Variants in PTPRD observed in about 807,000 individuals in gnomAD.
PTPRD encodes protein tyrosine phosphatase receptor type D.
In PTPRD, 34 loss-of-function variants were observed where a neutral mutation model predicts 214.5. The ratio of observed to expected loss-of-function variants is 0.16; its 90% CI spans 0.12 to 0.21. The LOEUF (loss-of-function observed/expected upper bound fraction) is 0.21. Among genes scored for constraint, PTPRD ranks in the 10% least tolerant of loss-of-function variants. PTPRD has a pLI of 1.00. For synonymous variants in PTPRD, 1,128 were observed against 845.7 expected, an observed-to-expected ratio of 1.33 and a Z score of -5.79; for missense variants, 2,545 against 2,398.7, an observed-to-expected ratio of 1.06 and a Z score of -1.27.
intron 3 of PTPRD, among the ~76,000 whole-genome samples, chr9:10,275,494 C>T (rs960743712): frequency 2.0e-5 from 3 of 152,000 alleles, no homozygotes; most frequent in African/African-American, 7.2e-5. Flanking sequence ...ATCATACTAC[C>T]TACACACATT....
At chr9:10,471,205 T>C (rs2099028935) in intron 2 of PTPRD, among the ~76,000 whole-genome samples, 1 of 152,018 alleles carries the variant, frequency 6.6e-6, no homozygotes, top group African/African-American at 2.4e-5. Flanking sequence ...AGATGATGGG[T>C]TGATGGGGGC....
At chr9:10,489,940 A>G (rs573445856) in intron 2 of PTPRD, among the ~76,000 whole-genome samples, 82 of 152,298 alleles carry the variant, frequency 5.4e-4, no homozygotes, top group African/African-American at 2.0e-3. Context: ...TCTTTCAGCA[A>G]TATAAAGTTA....
intron 36 of PTPRD, among the ~76,000 whole-genome samples, chr9:8,390,947 T>A (rs570311429): frequency 6.6e-6 from 1 of 152,280 alleles, no homozygotes; most frequent in African/African-American, 2.4e-5. Context: ...TCATCTCAAA[T>A]ACAATAAAGC....
intron 44 of PTPRD, among the ~76,000 whole-genome samples, chr9:8,330,976 G>T (rs941313706): frequency 6.6e-6 from 1 of 150,792 alleles, no homozygotes; most frequent in Non-Finnish European, 1.5e-5. Flanking sequence ...CTAAATTTAT[G>T]GTGAATGTCT....
At chr9:8,770,179 G>A (rs557631958) in intron 11 of PTPRD, among the ~76,000 whole-genome samples, 3 of 152,034 alleles carry the variant, frequency 2.0e-5, no homozygotes, top group Admixed American at 6.6e-5. Flanking sequence ...TACTCGGGGG[G>A]CTGAGGCAGA....
chr9:8,658,457 C>T (rs1435920762), intron 12 of PTPRD, among the ~76,000 whole-genome samples: 1 of 152,076 alleles, frequency 6.6e-6, no homozygotes, highest in Non-Finnish European at 1.5e-5. Context: ...TTGAGAGCTT[C>T]AATGAGCAGT....
At chr9:10,485,991 G>A (rs921191479) in intron 2 of PTPRD, among the ~76,000 whole-genome samples, 1 of 151,078 alleles carries the variant, frequency 6.6e-6, no homozygotes, top group Non-Finnish European at 1.5e-5. Flanking sequence ...GTCTTCTTTC[G>A]AGGAGTGTCT....
intron 4 of PTPRD, among the ~76,000 whole-genome samples, chr9:9,977,411 T>G (rs967985533): frequency 6.6e-6 from 1 of 152,222 alleles, no homozygotes; most frequent in Non-Finnish European, 1.5e-5. Flanking sequence ...AGAGCCTAGA[T>G]GCATGCATGA....
rs566007121 is a variant in PTPRD at position 8,451,040 on chromosome 9, A to T, written c.3876-1203T>A. Among the ~76,000 whole-genome samples, 15 of 152,210 alleles carry T rather than the reference A, an allele frequency of 9.9e-5. No homozygotes were observed. The South Asian group carries it at 2.7e-3, about 28-fold the overall frequency. On this transcript the variant is annotated intron_variant, in intron 33 of 45. Coordinates refer to ENST00000381196, the MANE Select transcript of PTPRD (RefSeq NM_002839.4). ...TTGCTGTGGCAATGGGGTCTCATTC[A>T]ATGCCACCCAGGTCGTTCTATGGTT...
intron 3 of PTPRD, among the ~76,000 whole-genome samples, chr9:10,078,632 TCC>T (rs71485316): frequency 0.028 from 4,284 of 151,406 alleles, 131 homozygotes; most frequent in African/African-American, 0.078. Flanking sequence ...ATCTAGTCTC[TCC>T]TTCACTTTTC....
At chr9:9,600,023 C>A (rs139256484) in intron 7 of PTPRD, among the ~76,000 whole-genome samples, 11 of 151,840 alleles carry the variant, frequency 7.2e-5, no homozygotes, top group Admixed American at 5.9e-4. Context: ...AGGTAAAATG[C>A]ATTCTAAATC....
At chr9:8,919,213 C>T (rs964179310) in intron 11 of PTPRD, among the ~76,000 whole-genome samples, 5 of 151,810 alleles carry the variant, frequency 3.3e-5, no homozygotes, top group Non-Finnish European at 5.9e-5. Context: ...GTCAACATGG[C>T]GAAATCCTGT....
intron 11 of PTPRD, among the ~76,000 whole-genome samples, chr9:8,897,538 AT>A (rs988578106): frequency 4.6e-5 from 7 of 152,208 alleles, no homozygotes; most frequent in African/African-American, 1.7e-4. Context: ...GAGTTTTGAT[AT>A]CCCCAGAGAG....
intron 11 of PTPRD, among the ~76,000 whole-genome samples, chr9:8,892,930 C>T (rs1286060672): frequency 6.6e-6 from 1 of 151,766 alleles, no homozygotes; most frequent in Non-Finnish European, 1.5e-5. Context: ...AAGATAAAGA[C>T]AATAAAGTGA....
At chr9:10,501,119 G>C (rs1484998915) in intron 2 of PTPRD, among the ~76,000 whole-genome samples, 2 of 151,826 alleles carry the variant, frequency 1.3e-5, no homozygotes, top group Non-Finnish European at 2.9e-5. Flanking sequence ...CTTCCAAATT[G>C]TTCTTCTTAG....
chr9:10,017,250 T>A (rs2096738284), intron 4 of PTPRD, among the ~76,000 whole-genome samples: 2 of 152,226 alleles, frequency 1.3e-5, no homozygotes, highest in African/African-American at 2.4e-5. Context: ...GTATAAGCTA[T>A]TAACTTGTAA....
intron 2 of PTPRD, among the ~76,000 whole-genome samples, chr9:10,587,418 G>A (rs1005012895): frequency 1.3e-5 from 2 of 152,020 alleles, no homozygotes; most frequent in African/African-American, 4.8e-5. Flanking sequence ...ATAACATTTT[G>A]AGTTTAATTC....
intron 3 of PTPRD, among the ~76,000 whole-genome samples, chr9:10,034,347 C>T (rs1036365966): frequency 2.0e-5 from 3 of 150,726 alleles, no homozygotes; most frequent in African/African-American, 4.9e-5. Context: ...ATTTCTTGCA[C>T]ATAAATTCCT....
rs1601710156 is a variant in PTPRD at position 9,907,507 on chromosome 9, A to G, written c.-368+31000T>C. 2.6e-5 allele frequency among the ~76,000 whole-genome samples: 4 copies of G among 152,088 alleles called. No homozygotes were observed. The South Asian group carries it at 8.3e-4, about 32-fold the overall frequency. On this transcript the variant is annotated intron_variant, in intron 5 of 45. Coordinates refer to ENST00000381196, the MANE Select transcript of PTPRD (RefSeq NM_002839.4). ...CTATGTCCTCACATGACATTTACTC[A>G]ATGTACACATATCACTGATGTCTAT...
Sources: allele counts gnomAD v4.1 joint callset (sites outside exome capture counted in the v4.1 genomes callset), GRCh38; gene constraint gnomAD v4.1.1; transcripts MANE v1.5; gene names NCBI Gene and HGNC (gene_info 2026-07-23, HGNC 2026-07-21).